GPR89B: variants seen among roughly 807,000 people sequenced by gnomAD.
GPR89B encodes the protein G protein-coupled receptor 89B.
In GPR89B, 25 loss-of-function variants were observed where a neutral mutation model predicts 52.4. The ratio of observed to expected loss-of-function variants is 0.48; its 90% CI spans 0.35 to 0.67. The LOEUF is 0.67. Among genes scored for constraint, GPR89B ranks in the 30% least tolerant of loss-of-function variants. The pLI is 0.01. For synonymous variants in GPR89B, 52 were observed against 151.2 expected (o/e 0.34, Z 4.81); for missense variants, 146 against 450.2 (o/e 0.32, Z 6.11).
At chr1:147,950,251 A>G (rs1438335102) in intron 5 of GPR89B, among the ~76,000 whole-genome samples, 1 of 149,534 alleles carries the variant, frequency 6.7e-6, no homozygotes. Flanking sequence ...CTCACCTCCC[A>G]GACAGGGTCG....
At chr1:148,012,453 C>G in the GPR89B span, among the ~76,000 whole-genome samples, 1 of 151,052 alleles carries the variant, frequency 6.6e-6, no homozygotes, top group East Asian at 1.9e-4. Flanking sequence ...GGCCTGTGAG[C>G]TGCTTCCTCC....
chr1:147,954,614 TC>T (rs1655976601), intron 7 of GPR89B, among the ~76,000 whole-genome samples: 1 of 152,012 alleles, frequency 6.6e-6, no homozygotes, highest in South Asian at 2.1e-4. Context: ...GCCCAGAAGT[TC>T]GAGACTAGCC....
At chr1:148,012,471 G>A in the GPR89B span, among the ~76,000 whole-genome samples, 1,715 of 150,940 alleles carry the variant, frequency 0.011, 53 homozygotes, top group African/African-American at 0.038. Flanking sequence ...TCCCTATTCA[G>A]TTTATTTCCT....
At chr1:147,957,019 G>A (rs1172257541) in intron 7 of GPR89B, among the ~76,000 whole-genome samples, 9 of 152,004 alleles carry the variant, frequency 5.9e-5, no homozygotes, top group Non-Finnish European at 8.8e-5. Context: ...GATTACAGGC[G>A]TGAGCCACCA....
At chr1:147,962,874 C>T (rs1338326106) in intron 7 of GPR89B, among the ~76,000 whole-genome samples, 3 of 141,932 alleles carry the variant, frequency 2.1e-5, no homozygotes, top group Non-Finnish European at 4.5e-5. Flanking sequence ...CCAGCCTGGG[C>T]AACAGAGCGA....
the GPR89B span, among the ~76,000 whole-genome samples, chr1:148,002,631 G>A: frequency 6.6e-6 from 1 of 152,012 alleles, no homozygotes; most frequent in East Asian, 1.9e-4. Context: ...AGACATTATA[G>A]GCTGGTTTTT....
chr1:147,950,353 G>A (rs1286273734), intron 5 of GPR89B, among the ~76,000 whole-genome samples: 43 of 151,274 alleles, frequency 2.8e-4, no homozygotes, highest in African/African-American at 7.5e-4. Context: ...GGGCAGAGAC[G>A]CTCCTCACTT....
intron 1 of GPR89B, among the ~76,000 whole-genome samples, chr1:147,930,611 C>T (rs1368889297): frequency 6.6e-6 from 1 of 151,952 alleles, no homozygotes; most frequent in Non-Finnish European, 1.5e-5. Flanking sequence ...TTGCCCCCTG[C>T]GCCCCTCCCT....
chr1:147,987,229 A>G (rs1168333635), intron 11 of GPR89B, among the ~76,000 whole-genome samples: 2 of 152,236 alleles, frequency 1.3e-5, no homozygotes, highest in Non-Finnish European at 2.9e-5. Flanking sequence ...TATATTAAGT[A>G]TGCTTTACAG....
At chr1:148,003,549 A>G in the GPR89B span, among the ~76,000 whole-genome samples, 1 of 152,164 alleles carries the variant, frequency 6.6e-6, no homozygotes, top group Non-Finnish European at 1.5e-5. Context: ...CGCCCCAGAG[A>G]GCTAACTTAC....
At chr1:147,938,078 C>T (rs1277361042) in intron 2 of GPR89B, among the ~76,000 whole-genome samples, 12 of 151,976 alleles carry the variant, frequency 7.9e-5, no homozygotes, top group Non-Finnish European at 1.0e-4. Context: ...TCAGCCAGTC[C>T]CTCCATTCGG....
intron 7 of GPR89B, among the ~76,000 whole-genome samples, chr1:147,962,152 G>A (rs1165123879): frequency 9.2e-5 from 14 of 151,626 alleles, no homozygotes; most frequent in South Asian, 4.2e-4. Flanking sequence ...GGCCAGGCAC[G>A]GTGGCTCACG....
At chr1:147,941,362 G>A (rs1654543436) in intron 3 of GPR89B, among the ~76,000 whole-genome samples, 1 of 152,220 alleles carries the variant, frequency 6.6e-6, no homozygotes, top group African/African-American at 2.4e-5. Flanking sequence ...ATACTATGTA[G>A]TATTGCCTGG....
the GPR89B span, among the ~76,000 whole-genome samples, chr1:148,018,185 G>A: frequency 3.5e-5 from 5 of 143,314 alleles, no homozygotes; most frequent in Admixed American, 6.8e-5. Context: ...CTGGGAGGCC[G>A]AGGCGGGCGG....
the GPR89B span, among the ~76,000 whole-genome samples, chr1:148,020,221 TA>T: frequency 6.9e-6 from 1 of 145,588 alleles, no homozygotes; most frequent in Non-Finnish European, 1.5e-5. Flanking sequence ...GAGTTTCTGA[TA>T]TTTTCCTACA....
Position 147,936,628 on chromosome 1 carries a change from T to A in GPR89B, c.44T>A (p.Ile15Lys). 1 of 1,610,810 alleles carries A rather than the reference T, an allele frequency of 6.2e-7. No individual in the cohort carries two copies. The highest frequency in any genetic ancestry group is 8.5e-7 in the Non-Finnish European group (1 of 1,177,324). ...IDSSIMITSQ[I>K]LFFGFGWLFF... ...CATTCTATCTTCTTTCTCCTCCAGA[T>A]ACTATTTTTTGGATTTGGGTGGCTT... Residue 15 changes from isoleucine to lysine, a missense_variant and splice_region_variant, in exon 2 of 14, where the codon ATA (isoleucine) becomes AAA (lysine). By Grantham distance (102) the Ile-to-Lys change is moderately radical (BLOSUM62 -3). Transcript: ENST00000314163.
intron 7 of GPR89B, among the ~76,000 whole-genome samples, chr1:147,959,878 T>A (rs1656404185): frequency 6.6e-6 from 1 of 151,088 alleles, no homozygotes; most frequent in Non-Finnish European, 1.5e-5. Context: ...ACAGTTTGGA[T>A]GACAGAAAGT....
intron 10 of GPR89B, among the ~76,000 whole-genome samples, chr1:147,973,125 GTGTA>G (rs1657595351): frequency 1.3e-5 from 2 of 152,070 alleles, no homozygotes; most frequent in South Asian, 2.1e-4. Flanking sequence ...GGGCGTACAT[GTGTA>G]TGTATCTTTA....
At position 147,977,050 on chromosome 1, in the gene GPR89B, C is replaced by T. The variant is rs1256339281; in HGVS notation, c.909+7091C>T. 6.0e-5 allele frequency among the ~76,000 whole-genome samples: 9 copies of T among 151,124 alleles called. No homozygotes were observed. The South Asian group carries it at 6.3e-4, about 11-fold the overall frequency. On this transcript the variant is annotated intron_variant, in intron 10 of 13. Coordinates refer to ENST00000314163, the MANE Select transcript of GPR89B (RefSeq NM_016334.5). Reference sequence around the variant, plus strand: ...AAGATCGAGACCATCCTGGCTAACACGGTGAAACCCCATCTCTACTAAAAA... The same window carrying T: ...AAGATCGAGACCATCCTGGCTAACATGGTGAAACCCCATCTCTACTAAAAA...
Sources: allele counts gnomAD v4.1 joint callset (sites outside exome capture counted in the v4.1 genomes callset), GRCh38; gene constraint gnomAD v4.1.1; transcripts MANE v1.5; gene names NCBI Gene and HGNC (gene_info 2026-07-23, HGNC 2026-07-21).